Variants in RBFOX3 observed in about 807,000 individuals in gnomAD.
RBFOX3 encodes RNA binding protein fox-1 homolog 3.
In RBFOX3, 17 loss-of-function variants were observed where a neutral mutation model predicts 48.7. The observed-to-expected ratio is 0.35, with a 90% confidence interval of 0.24 to 0.52. The LOEUF is 0.52. RBFOX3 is among the 20% of genes least tolerant of loss of function. The probability of loss-of-function intolerance (pLI) is 0.94; values close to 1 mark genes in which losing one functional copy is unlikely to be tolerated. For synonymous variants in RBFOX3, 212 were observed against 209.5 expected, an observed-to-expected ratio of 1.01 and a Z score of -0.10; for missense variants, 382 against 497.5, an observed-to-expected ratio of 0.77 and a Z score of 2.21.
At chr17:79,183,581 G>A (rs1489504537) in intron 4 of RBFOX3, 1 of 152,358 alleles carries the variant, frequency 6.6e-6, no homozygotes. Context: ...GGAGGCTGGA[G>A]AGAGCGCGCG....
At chr17:79,578,736 C>T (rs2092946058) in intron 1 of RBFOX3, among the ~76,000 whole-genome samples, 1 of 152,248 alleles carries the variant, frequency 6.6e-6, no homozygotes, top group South Asian at 2.1e-4. Context: ...AAAGGAAGTG[C>T]AGCTTCTTCC....
At chr17:79,424,803 A>G (rs567232184) in intron 2 of RBFOX3, among the ~76,000 whole-genome samples, 2 of 152,168 alleles carry the variant, frequency 1.3e-5, no homozygotes, top group African/African-American at 4.8e-5. Context: ...GCCTGCCTGG[A>G]CGGATGCTGG....
intron 2 of RBFOX3, among the ~76,000 whole-genome samples, chr17:79,351,116 T>C (rs2083858319): frequency 6.6e-6 from 1 of 152,220 alleles, no homozygotes; most frequent in Non-Finnish European, 1.5e-5. Flanking sequence ...TACCAGGCTA[T>C]GTAATATTCA....
intron 3 of RBFOX3, among the ~76,000 whole-genome samples, chr17:79,277,529 G>A (rs748810249): frequency 4.6e-5 from 7 of 152,280 alleles, no homozygotes; most frequent in East Asian, 1.9e-4. Flanking sequence ...AAATTAACCC[G>A]CAGCCCAATC....
chr17:79,520,704 C>T lies in RBFOX3; in HGVS notation c.-319-38106G>A, dbSNP rs890833019. ...GAGGCCAGCACCTGCCACGGGGCCT[C>T]AGGCTGGCAGAGCACAAGGGTGGGG... is the stretch of plus-strand genomic sequence containing the variant. On this transcript the variant is annotated intron_variant, in intron 1 of 14. Transcript: ENST00000693108. Among the ~76,000 whole-genome samples the T allele has an allele frequency of 2.1e-3, 327 of 152,358 alleles. 3 individuals carry two copies. Among genetic ancestry groups the T allele is most frequent in the Non-Finnish European group, 1.7e-3 (113 of 68,030 alleles).
At chr17:79,104,643 G>A (rs1366125215) in intron 6 of RBFOX3, among the ~76,000 whole-genome samples, 1 of 152,236 alleles carries the variant, frequency 6.6e-6, no homozygotes, top group Non-Finnish European at 1.5e-5. Flanking sequence ...AAGGATGGGG[G>A]AGAGGGAGAC....
chr17:79,339,112 T>C lies in RBFOX3; in HGVS notation c.-174-31288A>G, dbSNP rs2146592368. 2.0e-5 allele frequency among the ~76,000 whole-genome samples: 3 copies of C among 152,078 alleles called. No homozygotes were observed. The Middle Eastern group carries it at 0.01, about 517-fold the overall frequency. On this transcript the variant is annotated intron_variant, in intron 2 of 14. Transcript: ENST00000693108. ...CTCTGTTGCCCAGGCTAGAGTACAG[T>C]GATGCAATCATACCTCACTGCCACC...
chr17:79,219,561 C>T (rs1028837833), intron 4 of RBFOX3, among the ~76,000 whole-genome samples: 5 of 152,128 alleles, frequency 3.3e-5, no homozygotes, highest in Non-Finnish European at 5.9e-5. Context: ...TCAGGCCTGT[C>T]TGGCCCAGAC....
At chr17:79,246,201 C>T (rs139608342) in intron 3 of RBFOX3, among the ~76,000 whole-genome samples, 381 of 152,274 alleles carry the variant, frequency 2.5e-3, no homozygotes, top group African/African-American at 8.5e-3. Context: ...CAAGCTGAAA[C>T]GACCCTGCCT....
At chr17:79,403,930 C>T (rs570386897) in intron 2 of RBFOX3, among the ~76,000 whole-genome samples, 95 of 152,216 alleles carry the variant, frequency 6.2e-4, no homozygotes, top group African/African-American at 2.2e-3. Context: ...CAGGCGCCCG[C>T]CACCACGCCT....
At chr17:79,592,668 AGGACTGCG>A (rs2093456173) in intron 1 of RBFOX3, among the ~76,000 whole-genome samples, 1 of 152,006 alleles carries the variant, frequency 6.6e-6, no homozygotes, top group East Asian at 1.9e-4. Flanking sequence ...AGTTGAGCCC[AGGACTGCG>A]GGCTCAGGAC....
At chr17:79,289,128 A>G (rs1309315882) in intron 3 of RBFOX3, among the ~76,000 whole-genome samples, 1 of 152,084 alleles carries the variant, frequency 6.6e-6, no homozygotes, top group Admixed American at 6.5e-5. Context: ...CCAGATCCCA[A>G]AAGACACGCC....
At chr17:79,339,186 C>T (rs1260313300) in intron 2 of RBFOX3, among the ~76,000 whole-genome samples, 2 of 152,028 alleles carry the variant, frequency 1.3e-5, no homozygotes, top group East Asian at 1.9e-4. Flanking sequence ...TCCTGAGTGG[C>T]TGGGACTACA....
At chr17:79,472,324 A>C (rs1047678286) in intron 2 of RBFOX3, among the ~76,000 whole-genome samples, 8 of 152,152 alleles carry the variant, frequency 5.3e-5, no homozygotes, top group African/African-American at 1.7e-4. Flanking sequence ...TAGTACAGAA[A>C]ATTCCCGTGC....
chr17:79,573,967 C>A (rs1486251553), intron 1 of RBFOX3, among the ~76,000 whole-genome samples: 8 of 152,224 alleles, frequency 5.3e-5, no homozygotes, highest in African/African-American at 1.9e-4. Context: ...AAAACAGAAA[C>A]TCCAGCGTCT....
chr17:79,238,814 G>A (rs2061956366), intron 3 of RBFOX3, among the ~76,000 whole-genome samples: 1 of 152,220 alleles, frequency 6.6e-6, no homozygotes, highest in Admixed American at 6.5e-5. Context: ...TGGAGGCCCA[G>A]GGGCTGAGCC....
chr17:79,553,007 G>A (rs1046452592), intron 1 of RBFOX3, among the ~76,000 whole-genome samples: 1 of 151,996 alleles, frequency 6.6e-6, no homozygotes, highest in Non-Finnish European at 1.5e-5. Flanking sequence ...TTCTTTTCTT[G>A]TCTGATTGCA....
intron 1 of RBFOX3, among the ~76,000 whole-genome samples, chr17:79,538,946 T>C (rs2089271818): frequency 6.6e-6 from 1 of 152,154 alleles, no homozygotes; most frequent in Non-Finnish European, 1.5e-5. Context: ...GCTGTTCACA[T>C]AAATACGCAT....
the RBFOX3 span, among the ~76,000 whole-genome samples, chr17:79,632,716 C>A: frequency 7.2e-6 from 1 of 137,942 alleles, no homozygotes; most frequent in East Asian, 2.1e-4. Context: ...CCAGCCTGGG[C>A]AACATAGCAA....
Sources: allele counts gnomAD v4.1 joint callset (sites outside exome capture counted in the v4.1 genomes callset), GRCh38; gene constraint gnomAD v4.1.1; transcripts MANE v1.5; gene names NCBI Gene and HGNC (gene_info 2026-07-23, HGNC 2026-07-21).